Variants in ARHGAP30 observed in about 807,000 individuals in gnomAD.
ARHGAP30 encodes Rho GTPase activating protein 30.
ARHGAP30 carries 23 observed loss-of-function variants against 72.0 expected under a neutral mutation model. That is an observed-to-expected ratio of 0.32 (90% CI 0.23 to 0.45). The LOEUF is 0.45. Among genes scored for constraint, ARHGAP30 ranks in the 20% least tolerant of loss-of-function variants. The pLI is 1.00. For missense variants in ARHGAP30, 1,319 were observed against 1,383.4 expected, an observed-to-expected ratio of 0.95 and a Z score of 0.74; for synonymous variants, 576 against 528.2, an observed-to-expected ratio of 1.09 and a Z score of -1.24.
chr1:161,060,224 G>C, intron 1 of ARHGAP30: 1 of 452,712 alleles, frequency 2.2e-6, no homozygotes, highest in South Asian at 1.6e-5. Context: ...AGGGCTGCAG[G>C]AAGCCGCACT....
At position 161,067,441 on chromosome 1, in the gene ARHGAP30, C is replaced by A. The variant is rs187197160; in HGVS notation, c.97+2087G>T. On this transcript the variant is annotated intron_variant, in intron 1 of 11. Coordinates refer to ENST00000368013, the MANE Select transcript of ARHGAP30 (RefSeq NM_001025598.2). ...AAAAATTAGCTGGGTGTGGTGGTGC[C>A]TGCCTGTAATCCCAGCTACTCTGGA... Among the ~76,000 whole-genome samples, 11 of 151,970 alleles carry A rather than the reference C, an allele frequency of 7.2e-5. No individual in the cohort carries two copies. The East Asian group carries it at 1.9e-3, about 27-fold the overall frequency.
intron 2 of ARHGAP30, among the ~76,000 whole-genome samples, chr1:161,058,587 A>T (rs1157566385): frequency 6.7e-6 from 1 of 149,442 alleles, no homozygotes; most frequent in Non-Finnish European, 1.5e-5. Flanking sequence ...AGATCACGAC[A>T]CTGCACTCCA....
Position 161,047,785 on chromosome 1 carries a change from A to G in ARHGAP30, c.3236T>C (p.Leu1079Pro), listed in dbSNP as rs1329217948. Reference sequence around the variant, plus strand: ...ATATGACCTGCGCTGAGAGGACAACAGGGGGTCAGGAACCTGGGGTTCTCT... The same window carrying G: ...ATATGACCTGCGCTGAGAGGACAACGGGGGGTCAGGAACCTGGGGTTCTCT... ...PPREPQVPDP[L>P]LSSQRRSYAF... Residue 1079 changes from leucine to proline, a missense_variant, in exon 12 of 12, where the codon CTG becomes CCG. Transcript: ENST00000368013. 3.8e-6 allele frequency: 6 copies of G among 1,592,862 alleles called. No individual in the cohort carries two copies. The highest frequency in any genetic ancestry group is 1.7e-4 in the Middle Eastern group (1 of 5,942).
Position 161,069,734 on chromosome 1 carries a change from G to T in ARHGAP30, c.-110C>A, listed in dbSNP as rs775428845. ...TGCTGGGCTTGGCCCGGCCCCAGGG[G>T]GGCAGGGCTCCCAATTGGGGGTGGA... On this transcript the variant is annotated 5_prime_UTR_variant, in exon 1 of 12. Transcript: ENST00000368013. This position sits in a 1 kb window ranked among gnomAD's most constrained non-coding sequence, Gnocchi z 4.9. The T allele has an allele frequency of 3.2e-6, 4 of 1,246,846 alleles. No individual in the cohort carries two copies. The African/African-American group carries it at 4.5e-5, about 14-fold the overall frequency. The allele number at this position is 1,246,846 out of a possible 1,614,324, so 77.2% of individuals were successfully genotyped here. A position where few individuals can be genotyped will look rare whatever the true frequency, so the allele number is the denominator to read the frequency against.
At chr1:161,063,150 A>G (rs1156952620) in intron 1 of ARHGAP30, among the ~76,000 whole-genome samples, 1 of 152,138 alleles carries the variant, frequency 6.6e-6, no homozygotes, top group Non-Finnish European at 1.5e-5. Context: ...GCAGTTTGTT[A>G]TGATTAGTTT....
Position 161,053,485 on chromosome 1 carries a change from TC to T in ARHGAP30, c.537-101del, listed in dbSNP as rs1557923644. On this transcript the variant is annotated intron_variant, in intron 5 of 11. Coordinates refer to ENST00000368013, the MANE Select transcript of ARHGAP30 (RefSeq NM_001025598.2). ...TATTCTCTCTCTCTCTCTCTCTCTC[TC>T]TCTCTCTCTCTCTCTCTCTCGAATG... 851 of 1,230,606 alleles carry T rather than the reference TC, an allele frequency of 6.9e-4. 7 individuals are homozygous for T. Among genetic ancestry groups the T allele is most frequent in the African/African-American group, 4.0e-3 (235 of 58,736 alleles). 76.2% of individuals were successfully genotyped at this position (1,230,606 alleles called of 1,614,324 possible). A position where few individuals can be genotyped will look rare whatever the true frequency, so the allele number is the denominator to read the frequency against.
chr1:161,051,967 TCACCACCACCACCACCACCACCACCAC>T lies in ARHGAP30; in HGVS notation c.1019-279_1019-253del, dbSNP rs1168517967. On this transcript the variant is annotated intron_variant, in intron 9 of 11. Transcript: ENST00000368013. The stretch of plus-strand genomic sequence containing the variant: ...CTGCAGATACAGTCACTGGCCGTTG[TCACCACCACCACCACCACCACCACCAC>T]CACCACCACCACCACCACCACCACC... Among the ~76,000 whole-genome samples, 97 of 29,206 alleles carry T rather than the reference TCACCACCACCACCACCACCACCACCAC, an allele frequency of 3.3e-3. 2 individuals carry two copies. The highest frequency in any genetic ancestry group is 0.024 in the Middle Eastern group (1 of 42). The allele number at this position is 29,206 out of a possible 152,430, so 19.2% of individuals were successfully genotyped here. A position where few individuals can be genotyped will look rare whatever the true frequency, so the allele number is the denominator to read the frequency against.
At chr1:161,054,991 G>T (rs926709472) in intron 3 of ARHGAP30, among the ~76,000 whole-genome samples, 2 of 152,054 alleles carry the variant, frequency 1.3e-5, no homozygotes, top group African/African-American at 4.8e-5. Flanking sequence ...TACTTCAGTG[G>T]CGCCACCCTG....
intron 6 of ARHGAP30, 174 bp from the exon 7 acceptor site, chr1:161,052,971 G>A (rs1041334882): frequency 3.1e-6 from 3 of 955,174 alleles, no homozygotes; most frequent in Non-Finnish European, 4.5e-6. Context: ...GACAAAGAGG[G>A]CTGGGAGATC....
chr1:161,052,831 C>CAG (rs1651516983), intron 6 of ARHGAP30, 34 bp from the exon 7 acceptor site: 2 of 1,602,804 alleles, frequency 1.2e-6, no homozygotes, highest in South Asian at 2.2e-5. Flanking sequence ...CAGCCAGGAA[C>CAG]AGAGCCAAGA....
At position 161,049,131 on chromosome 1, in the gene ARHGAP30, T is replaced by C; in HGVS notation, c.1890A>G (p.Ser630=). ...CTGCTGCCTCTCCCTCCAGACTCCC[T>C]GAACCCTTCCAGATTGGGGGTTTAG... The part of the protein sequence containing the change: ...LGPKPPIWKG[S]GSLEGEAAGC... The change falls in exon 12 of 12, where the codon TCA becomes TCG. Residue 630 remains serine, a synonymous_variant. Coordinates refer to ENST00000368013, the MANE Select transcript of ARHGAP30 (RefSeq NM_001025598.2). 1 of 1,614,184 alleles carries C rather than the reference T, an allele frequency of 6.2e-7. No individual in the cohort carries two copies. The highest frequency in any genetic ancestry group is 8.5e-7 in the Non-Finnish European group (1 of 1,180,014).
chr1:161,048,335 C>G lies in ARHGAP30; in HGVS notation c.2686G>C (p.Glu896Gln), dbSNP rs147161320. ...EEVAPQPPQP[E>Q]EMEPEGQPSP... is the part of the protein sequence containing the mutation. ...GGCTGCCCCTCAGGCTCCATCTCCT[C>G]TGGCTGAGGTGGCTGTGGGGCTACC... The change falls in exon 12 of 12, where the codon GAG becomes CAG. Residue 896 changes from glutamate to glutamine, a missense_variant. By Grantham distance (29) the Glu-to-Gln change is conservative. This residue lies in a region of ARHGAP30 where 1,097 missense variants were observed against 1,045.2 expected (regional missense o/e 1.05). Transcript: ENST00000368013. The G allele has an allele frequency of 5.0e-6, 8 of 1,614,080 alleles. No individual in the cohort carries two copies. In the East Asian group the frequency reaches 8.9e-5, roughly 18 times the overall value.
intron 2 of ARHGAP30, among the ~76,000 whole-genome samples, chr1:161,058,169 G>A (rs764298801): frequency 2.7e-5 from 4 of 150,886 alleles, no homozygotes; most frequent in African/African-American, 4.9e-5. Flanking sequence ...AAAATTAACC[G>A]GGAGTGGTGA....
intron 10 of ARHGAP30, among the ~76,000 whole-genome samples, chr1:161,050,055 C>G (rs1172630763): frequency 6.6e-6 from 1 of 152,154 alleles, no homozygotes; most frequent in Non-Finnish European, 1.5e-5. Flanking sequence ...CTACTTAACT[C>G]TATAGCCCAT....
intron 3 of ARHGAP30, among the ~76,000 whole-genome samples, chr1:161,055,354 A>G (rs111972715): frequency 0.019 from 2,823 of 152,188 alleles, 30 homozygotes; most frequent in Non-Finnish European, 0.025. Context: ...TCAGCCAGGC[A>G]TGGTGGTGCA....
rs1651067914 is a variant in ARHGAP30 at position 161,048,583 on chromosome 1, T to C, written c.2438A>G (p.Asp813Gly). 1.2e-6 allele frequency: 2 copies of C among 1,614,106 alleles called. No homozygotes were observed. The highest frequency in any genetic ancestry group is 1.1e-5 in the South Asian group (1 of 91,086). The stretch of plus-strand genomic sequence containing the variant: ...TCTGCTGTCTTCACCATCTCCTTGG[T>C]CTTTTCTTGCTTCATGGTACCCCTT... ...REKGYHEARK[D>G]QGDGEDSRSP... Residue 813 changes from aspartate to glycine, a missense_variant, in exon 12 of 12, where the codon GAC (aspartate) becomes GGC (glycine). Physicochemically the swap from Asp to Gly is moderately conservative, Grantham distance 94. Coordinates refer to ENST00000368013, the MANE Select transcript of ARHGAP30 (RefSeq NM_001025598.2).
rs778236804 is a variant in ARHGAP30, at chr1:161,049,061, A to G, written c.1960T>C (p.Cys654Arg). The G allele has an allele frequency of 3.1e-6, 5 of 1,613,642 alleles. No homozygotes were observed. Among genetic ancestry groups the G allele is most frequent in the African/African-American group, 1.3e-5 (1 of 74,764 alleles). ...TGCTTGTCCTCCCCAACTTCCCAGC[A>G]TGCCTGCTCTTCCCCACCCTGTCCC... ...ALGQGGEEQA[C>R]WEVGEDKQAE... The change falls in exon 12 of 12, where the codon TGC (cysteine) becomes CGC (arginine). Residue 654 changes from cysteine (C) to arginine (R), a missense_variant. By Grantham distance (180) the Cys-to-Arg change is radical. Transcript: ENST00000368013.
chr1:161,055,885 AT>A (rs1332575217), intron 3 of ARHGAP30, among the ~76,000 whole-genome samples: 7 of 31,670 alleles, frequency 2.2e-4, no homozygotes, highest in East Asian at 6.2e-4. Flanking sequence ...TAAAATAAAA[AT>A]AAATAAAATA....
chr1:161,054,753 C>A (rs759551970), intron 3 of ARHGAP30, 48 bp from the exon 4 acceptor site: 1 of 1,530,292 alleles, frequency 6.5e-7, no homozygotes, highest in East Asian at 2.2e-5. Context: ...CCAGCAATGC[C>A]CCTGCTTACT....
Sources: allele counts gnomAD v4.1 joint callset (sites outside exome capture counted in the v4.1 genomes callset), GRCh38; gene constraint gnomAD v4.1.1; regional missense constraint gnomAD v4.1.1; non-coding constraint Gnocchi (gnomAD v3.1); transcripts MANE v1.5; gene names NCBI Gene and HGNC (gene_info 2026-07-23, HGNC 2026-07-21).